The following FAM174A variants were observed in gnomAD, a reference collection of about 807,000 sequenced individuals.
FAM174A encodes membrane protein FAM174A.
A neutral mutation model predicts 14.3 loss-of-function variants in FAM174A; 14 were observed. The ratio of observed to expected loss-of-function variants is 0.98; its 90% CI spans 0.65 to 1.53. The LOEUF (loss-of-function observed/expected upper bound fraction) is 1.53. Ranked by LOEUF, FAM174A falls within the 40% of genes most tolerant of loss-of-function variation. The pLI is 0.00. For missense variants in FAM174A, 241 were observed against 249.6 expected, an observed-to-expected ratio of 0.97 and a Z score of 0.23; for synonymous variants, 108 against 111.4, an observed-to-expected ratio of 0.97 and a Z score of 0.19.
At chr5:100,549,607 ATTTT>A (rs202143815) in intron 1 of FAM174A, among the ~76,000 whole-genome samples, 16 of 138,722 alleles carry the variant, frequency 1.2e-4, no homozygotes, top group Non-Finnish European at 2.2e-4. Flanking sequence ...CACGCTTTTG[ATTTT>A]TTTTTTTTTT....
chr5:100,581,132 G>T (rs979529554), intron 2 of FAM174A, among the ~76,000 whole-genome samples: 1 of 152,032 alleles, frequency 6.6e-6, no homozygotes, highest in East Asian at 1.9e-4. Flanking sequence ...GTTTCACCAT[G>T]TTGGCCAGGC....
chr5:100,536,361 CTTTAA>C (rs1745941675), intron 1 of FAM174A, among the ~76,000 whole-genome samples: 1 of 152,170 alleles, frequency 6.6e-6, no homozygotes, highest in Non-Finnish European at 1.5e-5. Flanking sequence ...AATGCAAACT[CTTTAA>C]AGACAGGATA....
chr5:100,584,630 G>A (rs1465013847), intron 2 of FAM174A, among the ~76,000 whole-genome samples: 1 of 152,072 alleles, frequency 6.6e-6, no homozygotes, highest in Non-Finnish European at 1.5e-5. Flanking sequence ...TCATGTTAGA[G>A]TCTGTAGGTT....
At chr5:100,586,032 T>G (rs746441684) in intron 2 of FAM174A, 149 bp from the exon 3 acceptor site, 40 of 364,728 alleles carry the variant, frequency 1.1e-4, no homozygotes, top group Non-Finnish European at 1.8e-4. Context: ...AAAATAAGCA[T>G]GTGTTATTGG....
chr5:100,547,264 A>G (rs1374215019), intron 1 of FAM174A, among the ~76,000 whole-genome samples: 2 of 152,068 alleles, frequency 1.3e-5, no homozygotes, highest in Admixed American at 6.6e-5. Flanking sequence ...TTTTCTGAGG[A>G]CTAGGGACAG....
chr5:100,569,832 A>G (rs1051758111), intron 2 of FAM174A, among the ~76,000 whole-genome samples: 4 of 151,714 alleles, frequency 2.6e-5, no homozygotes, highest in African/African-American at 9.7e-5. Flanking sequence ...ATACATATAT[A>G]TGGAGATATA....
chr5:100,552,470 G>GT lies in FAM174A; in HGVS notation c.435-9582dup, dbSNP rs138515952. Among the ~76,000 whole-genome samples, 922 of 150,694 alleles carry GT rather than the reference G, an allele frequency of 6.1e-3. 12 individuals carry two copies. Among genetic ancestry groups the GT allele is most frequent in the African/African-American group, 0.022 (888 of 41,032 alleles). ...AATAATATTACCCTACAGATGCTTA[G>GT]TTAAAAAAAAAAGAAGAAGAGAAAA... On this transcript the variant is annotated intron_variant, in intron 1 of 2. Transcript: ENST00000312637.
In FAM174A at chr5:100,571,444, T is replaced by C. The variant is rs138942753; in HGVS notation, c.569+9256T>C. 3.3e-5 allele frequency among the ~76,000 whole-genome samples: 5 copies of C among 151,452 alleles called. No individual in the cohort carries two copies. In the East Asian group the frequency reaches 9.7e-4, roughly 29 times the overall value. On this transcript the variant is annotated intron_variant, in intron 2 of 2. Coordinates refer to ENST00000312637, the MANE Select transcript of FAM174A (RefSeq NM_198507.3). ...ATTGTAAATTGCTTTATCAAGAAATTTGTCCATAATACACTGGACTTTAGA... is the reference window on the plus strand; with the variant it reads ...ATTGTAAATTGCTTTATCAAGAAATCTGTCCATAATACACTGGACTTTAGA...
At chr5:100,539,200 G>C (rs1746003895) in intron 1 of FAM174A, among the ~76,000 whole-genome samples, 1 of 152,032 alleles carries the variant, frequency 6.6e-6, no homozygotes, top group African/African-American at 2.4e-5. Context: ...TATTTAAGCA[G>C]TCAATATTTA....
chr5:100,566,145 T>TATATAG (rs1746642419), intron 2 of FAM174A, among the ~76,000 whole-genome samples: 2 of 70,638 alleles, frequency 2.8e-5, no homozygotes, highest in African/African-American at 4.8e-5. Context: ...AAGTATGATA[T>TATATAG]ATATATATAT....
intron 2 of FAM174A, among the ~76,000 whole-genome samples, chr5:100,572,437 T>A: frequency 7.0e-6 from 1 of 141,946 alleles, no homozygotes; most frequent in East Asian, 2.2e-4. Flanking sequence ...GAGTGTGATA[T>A]TCCCCTTCCT....
rs114593752 is a variant in FAM174A, at chr5:100,578,530, C to G, written c.570-7651C>G. 5.2e-3 allele frequency among the ~76,000 whole-genome samples: 785 copies of G among 152,264 alleles called. 9 individuals carry two copies. Among genetic ancestry groups the G allele is most frequent in the African/African-American group, 0.018 (729 of 41,550 alleles). On this transcript the variant is annotated intron_variant, in intron 2 of 2. Transcript: ENST00000312637. The stretch of plus-strand genomic sequence containing the variant: ...TAAGAACATCCAGCAAATAATTGAT[C>G]AGGATGACACTAGAATTCAGGCTTC...
At chr5:100,570,961 C>A (rs1239066638) in intron 2 of FAM174A, among the ~76,000 whole-genome samples, 1 of 151,492 alleles carries the variant, frequency 6.6e-6, no homozygotes, top group Non-Finnish European at 1.5e-5. Context: ...TTTTTCCTTT[C>A]TGTAAATAAA....
intron 2 of FAM174A, among the ~76,000 whole-genome samples, chr5:100,566,141 GATATATATATAT>G (rs60895683): frequency 2.4e-4 from 20 of 81,802 alleles, no homozygotes; most frequent in South Asian, 5.0e-4. Flanking sequence ...TGAAAAGTAT[GATATATATATAT>G]ATATATATAT....
intron 1 of FAM174A, among the ~76,000 whole-genome samples, chr5:100,538,169 G>T (rs865827520): frequency 6.6e-6 from 1 of 152,034 alleles, no homozygotes; most frequent in African/African-American, 2.4e-5. Flanking sequence ...GCAGTGTTCC[G>T]AACTCATACT....
chr5:100,579,494 G>A (rs1444442495), intron 2 of FAM174A, among the ~76,000 whole-genome samples: 6 of 151,830 alleles, frequency 4.0e-5, no homozygotes, highest in Non-Finnish European at 7.4e-5. Flanking sequence ...GCACGATCTC[G>A]TCTCGCTGCA....
rs533851137 is a variant in FAM174A at position 100,573,135 on chromosome 5, G to A, written c.569+10947G>A. 2.0e-5 allele frequency among the ~76,000 whole-genome samples: 3 copies of A among 152,230 alleles called. No homozygotes were observed. The East Asian group carries it at 5.8e-4, about 29-fold the overall frequency. ...TCTTGTAAATTTGTTTGAGTTCATTGTAGATTCTGGATATTAGCCCTTTGT... is the reference window on the plus strand; with the variant it reads ...TCTTGTAAATTTGTTTGAGTTCATTATAGATTCTGGATATTAGCCCTTTGT... On this transcript the variant is annotated intron_variant, in intron 2 of 2. Transcript: ENST00000312637.
At chr5:100,554,441 C>G (rs372315321) in intron 1 of FAM174A, among the ~76,000 whole-genome samples, 1 of 150,880 alleles carries the variant, frequency 6.6e-6, no homozygotes, top group Non-Finnish European at 1.5e-5. Flanking sequence ...TTTAGCTTCC[C>G]GAGTAGCTGG....
chr5:100,550,901 C>G (rs1013415104), intron 1 of FAM174A, among the ~76,000 whole-genome samples: 10 of 152,154 alleles, frequency 6.6e-5, no homozygotes, highest in African/African-American at 1.9e-4. Context: ...AGTTCAGAAC[C>G]TGGAGTGGAA....
Sources: allele counts gnomAD v4.1 joint callset (sites outside exome capture counted in the v4.1 genomes callset), GRCh38; gene constraint gnomAD v4.1.1; transcripts MANE v1.5; gene names NCBI Gene and HGNC (gene_info 2026-07-23, HGNC 2026-07-21).